PCDH7: variants seen among roughly 807,000 people sequenced by gnomAD.
PCDH7 encodes protocadherin-7.
A neutral mutation model predicts 58.9 loss-of-function variants in PCDH7; 17 were observed. The ratio of observed to expected loss-of-function variants is 0.29; its 90% CI spans 0.20 to 0.43. The LOEUF (loss-of-function observed/expected upper bound fraction) is 0.43. PCDH7 is among the 20% of genes least tolerant of loss of function. The probability of loss-of-function intolerance (pLI) is 1.00; values close to 1 mark genes in which losing one functional copy is unlikely to be tolerated. For synonymous variants in PCDH7, 664 were observed against 616.4 expected (o/e 1.08, Z -1.14); for missense variants, 1,274 against 1,441.0 (o/e 0.88, Z 1.88).
intron 3 of PCDH7, among the ~76,000 whole-genome samples, chr4:31,002,935 A>G (rs1483456725): frequency 6.6e-6 from 1 of 152,186 alleles, no homozygotes; most frequent in African/African-American, 2.4e-5. Context: ...CAAGTAATTT[A>G]TATGTTTTAA....
At chr4:31,030,612 A>C (rs180821401) in intron 3 of PCDH7, among the ~76,000 whole-genome samples, 2 of 152,306 alleles carry the variant, frequency 1.3e-5, no homozygotes, top group Admixed American at 6.5e-5. Flanking sequence ...AAAAGACTGA[A>C]AGTTTTAGTG....
chr4:31,026,265 T>C (rs1425251189), intron 3 of PCDH7, among the ~76,000 whole-genome samples: 1 of 152,234 alleles, frequency 6.6e-6, no homozygotes, highest in Non-Finnish European at 1.5e-5. Flanking sequence ...CTAAGTACAG[T>C]GTCATTTGCC....
intron 3 of PCDH7, among the ~76,000 whole-genome samples, chr4:31,084,584 G>A (rs907043419): frequency 6.7e-6 from 1 of 149,318 alleles, no homozygotes; most frequent in Non-Finnish European, 1.5e-5. Context: ...GGCTCAGGGG[G>A]CTTATAGGGA....
In PCDH7 at chr4:31,137,223, G is replaced by GA. The variant is rs1578894285; in HGVS notation, c.*8-5244dup. On this transcript the variant is annotated intron_variant, in intron 3 of 3. Coordinates refer to the PCDH7 transcript ENST00000509759. ...AAAGAAAACCAAACACTTTAAAAAGGAAAAAAGGAAAAAGTTCCTGCATGT... is the reference window on the plus strand; with the variant it reads ...AAAGAAAACCAAACACTTTAAAAAGGAAAAAAAGGAAAAAGTTCCTGCATGT... 2.0e-5 allele frequency among the ~76,000 whole-genome samples: 3 copies of GA among 152,176 alleles called. No individual in the cohort carries two copies. The East Asian group carries it at 5.8e-4, about 29-fold the overall frequency.
intron 3 of PCDH7, among the ~76,000 whole-genome samples, chr4:31,042,233 A>G (rs1044637117): frequency 3.9e-5 from 6 of 152,142 alleles, no homozygotes; most frequent in South Asian, 2.1e-4. Flanking sequence ...TCTAGATAAG[A>G]TAGGAGGATA....
At chr4:30,868,670 C>T (rs1049026807) in intron 1 of PCDH7, among the ~76,000 whole-genome samples, 4 of 151,802 alleles carry the variant, frequency 2.6e-5, no homozygotes, top group Non-Finnish European at 5.9e-5. Context: ...GAAGCCAGGA[C>T]CTAATATCAA....
chr4:30,853,001 T>C (rs1732971418), intron 1 of PCDH7, among the ~76,000 whole-genome samples: 1 of 152,020 alleles, frequency 6.6e-6, no homozygotes, highest in Non-Finnish European at 1.5e-5. Context: ...TCTGGAGTGC[T>C]ACCTTGAGAA....
At chr4:30,975,664 A>G (rs761686848) in intron 3 of PCDH7, among the ~76,000 whole-genome samples, 3 of 152,166 alleles carry the variant, frequency 2.0e-5, no homozygotes, top group Non-Finnish European at 4.4e-5. Flanking sequence ...ACCATATTCT[A>G]TACTCTGACA....
chr4:30,731,851 G>C (rs1462081962), exon 2 of PCDH7: 1 of 151,992 alleles, frequency 6.6e-6, no homozygotes, highest in Admixed American at 6.6e-5. Flanking sequence ...TATGTCGTAT[G>C]TGTTTATGAG....
At chr4:31,026,330 A>G (rs1406519182) in intron 3 of PCDH7, among the ~76,000 whole-genome samples, 4 of 152,148 alleles carry the variant, frequency 2.6e-5, no homozygotes, top group African/African-American at 2.4e-5. Context: ...TAAACTTTGC[A>G]TTTTGATGTG....
At chr4:30,753,010 A>G (rs1718775279) in intron 1 of PCDH7, among the ~76,000 whole-genome samples, 1 of 152,128 alleles carries the variant, frequency 6.6e-6, no homozygotes, top group South Asian at 2.1e-4. Flanking sequence ...GATTTTGGGA[A>G]GACCTGAAAG....
intron 3 of PCDH7, among the ~76,000 whole-genome samples, chr4:31,120,849 C>T (rs187917580): frequency 6.6e-6 from 1 of 152,216 alleles, no homozygotes; most frequent in East Asian, 1.9e-4. Context: ...TTATTTTTAA[C>T]CCTCTGGGAA....
At chr4:31,124,375 G>T (rs143261765) in intron 3 of PCDH7, among the ~76,000 whole-genome samples, 2 of 152,350 alleles carry the variant, frequency 1.3e-5, no homozygotes, top group East Asian at 3.9e-4. Flanking sequence ...ATAAGTGGCA[G>T]AATGTGGACT....
chr4:30,728,194 G>T (rs548130481), intron 1 of PCDH7, among the ~76,000 whole-genome samples: 1 of 150,696 alleles, frequency 6.6e-6, no homozygotes, highest in Non-Finnish European at 1.5e-5. Flanking sequence ...GAAGCAAATG[G>T]TTGACTTGCT....
At chr4:31,006,511 T>A (rs1227365403) in intron 3 of PCDH7, among the ~76,000 whole-genome samples, 2 of 152,168 alleles carry the variant, frequency 1.3e-5, no homozygotes, top group Non-Finnish European at 2.9e-5. Flanking sequence ...TTTTATTTTA[T>A]TGTTTAATTT....
intron 3 of PCDH7, among the ~76,000 whole-genome samples, chr4:30,958,588 C>T (rs1340200901): frequency 1.3e-5 from 2 of 151,712 alleles, no homozygotes; most frequent in East Asian, 1.9e-4. Flanking sequence ...AAAATCTTCA[C>T]GTATTTTTGG....
chr4:31,071,425 C>A (rs1560621278), intron 3 of PCDH7, among the ~76,000 whole-genome samples: 1 of 151,772 alleles, frequency 6.6e-6, no homozygotes, highest in East Asian at 1.9e-4. Flanking sequence ...ATGTTGTGTG[C>A]TTTTTTTGCA....
intron 3 of PCDH7, among the ~76,000 whole-genome samples, chr4:30,990,344 C>A (rs1215845580): frequency 6.6e-6 from 1 of 151,790 alleles, no homozygotes; most frequent in African/African-American, 2.4e-5. Flanking sequence ...AGAATATATA[C>A]ACTATAGAAA....
chr4:30,956,051 C>CA lies in PCDH7; in HGVS notation c.*7+5846dup, dbSNP rs1365126991. The stretch of plus-strand genomic sequence containing the variant: ...TACAAAAACAAACAAAAAAAAAAAG[C>CA]AAAAAAAAAACAATTAGCCAGGCAA... On this transcript the variant is annotated intron_variant, in intron 3 of 3. Coordinates refer to the PCDH7 transcript ENST00000509759. Among the ~76,000 whole-genome samples, 161 of 137,756 alleles carry CA rather than the reference C, an allele frequency of 1.2e-3. 2 individuals are homozygous for CA. Among genetic ancestry groups the CA allele is most frequent in the Middle Eastern group, 3.7e-3 (1 of 268 alleles). 90.4% of individuals were successfully genotyped at this position (137,756 alleles called of 152,430 possible).
Sources: gnomAD v4.1 joint callset for allele counts (sites outside exome capture counted in the v4.1 genomes callset) on GRCh38, gnomAD v4.1.1 for gene constraint, MANE v1.5 for transcripts, NCBI Gene and HGNC (gene_info 2026-07-23, HGNC 2026-07-21) for gene names.